The following RASGRP1 variants were observed in gnomAD, a reference collection of about 807,000 sequenced individuals.
The protein encoded by RASGRP1 is RAS guanyl-releasing protein 1.
A neutral mutation model predicts 95.1 loss-of-function variants in RASGRP1; 37 were observed. The observed-to-expected ratio is 0.39, with a 90% CI of 0.30 to 0.51. The LOEUF (loss-of-function observed/expected upper bound fraction) is 0.51. Ranked by LOEUF, RASGRP1 falls within the 20% of genes least tolerant of loss-of-function variation. The pLI is 0.80. For missense variants in RASGRP1, 711 were observed against 965.4 expected, an observed-to-expected ratio of 0.74 and a Z score of 3.49; for synonymous variants, 325 against 353.4, an observed-to-expected ratio of 0.92 and a Z score of 0.90.
chr15:38,539,841 G>A (rs865964769), intron 2 of RASGRP1, among the ~76,000 whole-genome samples: 1 of 152,032 alleles, frequency 6.6e-6, no homozygotes, highest in Non-Finnish European at 1.5e-5. Flanking sequence ...TTGTTCTTGC[G>A]ATAGTTTACT....
intron 8 of RASGRP1, among the ~76,000 whole-genome samples, chr15:38,510,390 C>T (rs1192118778): frequency 6.6e-6 from 1 of 152,194 alleles, no homozygotes; most frequent in Non-Finnish European, 1.5e-5. Flanking sequence ...TTGATCAGAC[C>T]ACTGGGAAGT....
chr15:38,502,458 G>T, intron 11 of RASGRP1, 37 bp from the exon 12 acceptor site: 1 of 1,305,376 alleles, frequency 7.7e-7, no homozygotes. Context: ...TTACTAAAGA[G>T]AAACCGGTCT....
intron 2 of RASGRP1, among the ~76,000 whole-genome samples, chr15:38,539,795 C>T (rs1892796253): frequency 6.6e-6 from 1 of 152,020 alleles, no homozygotes; most frequent in East Asian, 1.9e-4. Flanking sequence ...TTGTTCAATT[C>T]CCACCTATGA....
At chr15:38,496,701 C>T (rs1366740962) in intron 15 of RASGRP1, among the ~76,000 whole-genome samples, 2 of 152,050 alleles carry the variant, frequency 1.3e-5, no homozygotes. Context: ...ACAAAACACC[C>T]CAAAAGTTTG....
intron 2 of RASGRP1, among the ~76,000 whole-genome samples, chr15:38,549,829 A>C (rs1284172517): frequency 6.6e-6 from 1 of 152,012 alleles, no homozygotes; most frequent in Non-Finnish European, 1.5e-5. Flanking sequence ...TTGGGGAAAA[A>C]AAAACAAGTA....
chr15:38,501,535 C>G (rs1170830714), intron 12 of RASGRP1: 2 of 621,426 alleles, frequency 3.2e-6, no homozygotes, highest in Non-Finnish European at 5.9e-6. Flanking sequence ...GTTTCCCTAA[C>G]TAACTTGACC....
In RASGRP1 at chr15:38,518,291, C is replaced by T; in HGVS notation, c.521+1G>A. 6.2e-7 allele frequency: 1 copy of T among 1,609,164 alleles called. No homozygotes were observed. Among genetic ancestry groups the T allele is most frequent in the Non-Finnish European group, 8.5e-7 (1 of 1,177,770 alleles). ...AGATGAGTCAAGACCTTGACACTCA[C>T]ATTTGAGTTGTGTCAATCAGGCGGC... On this transcript the variant is annotated splice_donor_variant, in intron 5 of 16. Transcript: ENST00000310803. LOFTEE classifies it high-confidence loss of function.
intron 2 of RASGRP1, among the ~76,000 whole-genome samples, chr15:38,545,980 T>A (rs567453617): frequency 6.6e-6 from 1 of 152,318 alleles, no homozygotes; most frequent in South Asian, 2.1e-4. Context: ...TCTCTTCTAG[T>A]CTCATAGCTG....
chr15:38,555,877 G>A (rs537480758), intron 2 of RASGRP1, among the ~76,000 whole-genome samples: 2 of 152,070 alleles, frequency 1.3e-5, no homozygotes, highest in Admixed American at 6.5e-5. Flanking sequence ...ATGTGTGTTG[G>A]GGGGGCCCGT....
intron 12 of RASGRP1, 102 bp from the exon 13 acceptor site, chr15:38,501,389 T>C (rs1419344628): frequency 7.4e-7 from 1 of 1,351,068 alleles, no homozygotes. Context: ...CTTTTTATCC[T>C]CAGTGGTAAT....
intron 6 of RASGRP1, 57 bp downstream of exon 6, chr15:38,516,140 A>G: frequency 6.6e-7 from 1 of 1,513,512 alleles, no homozygotes. Context: ...TTGAATTATC[A>G]TCTTATTTTC....
At chr15:38,506,266 A>G (rs1478199984) in intron 9 of RASGRP1, among the ~76,000 whole-genome samples, 1 of 152,192 alleles carries the variant, frequency 6.6e-6, no homozygotes, top group Non-Finnish European at 1.5e-5. Flanking sequence ...GATGGTGTGT[A>G]TAGTCTGAGA....
chr15:38,519,631 C>T (rs1342968611), intron 3 of RASGRP1, among the ~76,000 whole-genome samples: 1 of 152,028 alleles, frequency 6.6e-6, no homozygotes, highest in Non-Finnish European at 1.5e-5. Context: ...AGCAGCACTG[C>T]AGAACTAAGA....
At chr15:38,560,477 T>C (rs1033959139) in intron 1 of RASGRP1, among the ~76,000 whole-genome samples, 9 of 152,020 alleles carry the variant, frequency 5.9e-5, no homozygotes, top group African/African-American at 1.5e-4. Context: ...AGGTCGGGAG[T>C]TCGAGATCAT....
intron 10 of RASGRP1, 129 bp from the exon 11 acceptor site, chr15:38,503,505 A>G: frequency 2.6e-6 from 2 of 771,932 alleles, no homozygotes; most frequent in Non-Finnish European, 4.3e-6. Flanking sequence ...GGCAAGGAGC[A>G]GAGAACCCAC....
intron 16 of RASGRP1, among the ~76,000 whole-genome samples, chr15:38,491,002 G>T (rs1251974285): frequency 6.6e-6 from 1 of 152,134 alleles, no homozygotes; most frequent in South Asian, 2.1e-4. Flanking sequence ...TCTCAACTTG[G>T]CAGAAACAGT....
chr15:38,536,384 C>G (rs949876771), intron 2 of RASGRP1, among the ~76,000 whole-genome samples: 4 of 152,200 alleles, frequency 2.6e-5, no homozygotes, highest in Non-Finnish European at 4.4e-5. Context: ...AATAAACAAA[C>G]TGGGAAGAAA....
intron 9 of RASGRP1, among the ~76,000 whole-genome samples, chr15:38,506,188 A>G (rs1266935944): frequency 6.6e-6 from 1 of 152,338 alleles, no homozygotes; most frequent in East Asian, 1.9e-4. Context: ...CTTAGGCCAA[A>G]GGCCTTGTCT....
At chr15:38,537,042 T>TC (rs1892678923) in intron 2 of RASGRP1, among the ~76,000 whole-genome samples, 1 of 152,204 alleles carries the variant, frequency 6.6e-6, no homozygotes, top group East Asian at 1.9e-4. Context: ...TGTTTTTTTT[T>TC]CCTTTGTTCT....
Sources: gnomAD v4.1 joint callset for allele counts (sites outside exome capture counted in the v4.1 genomes callset) on GRCh38, gnomAD v4.1.1 for gene constraint, MANE v1.5 for transcripts, NCBI Gene and HGNC (gene_info 2026-07-23, HGNC 2026-07-21) for gene names.